ACTN2: variants seen among roughly 807,000 people sequenced by gnomAD.
ACTN2 encodes alpha-actinin-2.
ACTN2 carries 39 observed loss-of-function variants against 113.8 expected under a neutral mutation model. The ratio of observed to expected loss-of-function variants is 0.34; its 90% CI spans 0.27 to 0.45. ACTN2 has a LOEUF of 0.45. ACTN2 is among the 20% of genes least tolerant of loss of function. The pLI is 1.00. For synonymous variants in ACTN2, 429 were observed against 444.1 expected (o/e 0.97, Z 0.43); for missense variants, 992 against 1,177.9 (o/e 0.84, Z 2.31).
At chr1:236,709,515 C>T (rs566959005) in intron 1 of ACTN2, among the ~76,000 whole-genome samples, 49 of 151,560 alleles carry the variant, frequency 3.2e-4, no homozygotes, top group African/African-American at 1.0e-3. Flanking sequence ...TGCCCCATCT[C>T]GGGGACCACT....
At chr1:236,707,348 T>G (rs1245714767) in intron 1 of ACTN2, among the ~76,000 whole-genome samples, 1 of 152,250 alleles carries the variant, frequency 6.6e-6, no homozygotes, top group African/African-American at 2.4e-5. Context: ...TGCAGCAATA[T>G]TCCATGAATT....
intron 4 of ACTN2, among the ~76,000 whole-genome samples, chr1:236,721,022 G>GTTTTTTTTTTTTTTTTTTTTTTTTTT (rs869077774): frequency 1.5e-5 from 1 of 66,504 alleles, no homozygotes; most frequent in African/African-American, 6.2e-5. Flanking sequence ...TTTGTTTTTT[G>GTTTTTTTTTTTTTTTTTTTTTTTTTT]TTTTTTTTTT....
Position 236,727,722 on chromosome 1 carries a change from G to A in ACTN2, c.581G>A (p.Arg194Gln), listed in dbSNP as rs528123945. 17 of 1,613,960 alleles carry A rather than the reference G, an allele frequency of 1.1e-5. No individual in the cohort carries two copies. The highest frequency in any genetic ancestry group is 3.3e-4 in the Middle Eastern group (2 of 6,084). The change falls in exon 6 of 21, where the codon CGG becomes CAG. Residue 194 changes from arginine to glutamine, a missense_variant. Around this residue, in one of 3 missense-constraint regions of ACTN2, gnomAD observed 220 missense variants for 337.5 expected, o/e 0.65. Coordinates refer to ENST00000366578, the MANE Select transcript of ACTN2 (RefSeq NM_001103.4). ...LGLCALIHRH[R>Q]PDLIDYSKLN... ...CTCTGTGCCCTCATCCACCGACACC[G>A]GCCTGACCTCATTGACTACTCAAAG...
chr1:236,753,101 G>T (rs978853924), intron 15 of ACTN2, among the ~76,000 whole-genome samples: 1 of 152,208 alleles, frequency 6.6e-6, no homozygotes, highest in African/African-American at 2.4e-5. Context: ...ATACTCTTCT[G>T]TGGGCCAACA....
chr1:236,729,813 T>C (rs1658663743), intron 6 of ACTN2, among the ~76,000 whole-genome samples: 1 of 152,236 alleles, frequency 6.6e-6, no homozygotes, highest in Non-Finnish European at 1.5e-5. Context: ...AATGAGGGGA[T>C]TGTACTGCAT....
intron 9 of ACTN2, among the ~76,000 whole-genome samples, 194 bp downstream of exon 9, chr1:236,737,408 A>G (rs1392082484): frequency 6.7e-6 from 1 of 149,076 alleles, no homozygotes; most frequent in African/African-American, 2.4e-5. Context: ...ACTTTTGGCA[A>G]AAACATAATC....
chr1:236,753,996 C>G lies in ACTN2; in HGVS notation c.1889C>G (p.Ala630Gly). ...IRDQSLQEEL[A>G]RQHANERLRR... ...GATCAATCCCTGCAGGAGGAGCTGG[C>G]TCGCCAGCATGCTAACGAGCGTCTG... is the stretch of plus-strand genomic sequence containing the variant. Residue 630 changes from alanine (A) to glycine (G), a missense_variant, in exon 16 of 21, where the codon GCT becomes GGT. Ala to Gly is a moderately conservative substitution (Grantham distance 60). Transcript: ENST00000366578. The G allele has an allele frequency of 6.2e-7, 1 of 1,614,208 alleles. No individual in the cohort carries two copies.
intron 10 of ACTN2, among the ~76,000 whole-genome samples, chr1:236,741,338 G>A (rs1260219119): frequency 1.3e-5 from 2 of 152,146 alleles, no homozygotes; most frequent in Non-Finnish European, 2.9e-5. Flanking sequence ...GCATGCCTGG[G>A]CGGGCCCATG....
intron 10 of ACTN2, 90 bp from the exon 11 acceptor site, chr1:236,742,806 T>C: frequency 6.7e-7 from 1 of 1,493,298 alleles, no homozygotes; most frequent in South Asian, 1.1e-5. Flanking sequence ...CAAAATGTAG[T>C]GGAGGGATTT....
intron 6 of ACTN2, among the ~76,000 whole-genome samples, chr1:236,728,726 T>G (rs2564763): frequency 0.32 from 48,949 of 151,830 alleles, 8,191 homozygotes; most frequent in Middle Eastern, 0.44. Context: ...ATTCAAATTC[T>G]TTCTTTAAAA....
intron 1 of ACTN2, among the ~76,000 whole-genome samples, chr1:236,696,280 T>A (rs1465618424): frequency 6.7e-6 from 1 of 148,702 alleles, no homozygotes; most frequent in Non-Finnish European, 1.5e-5. Flanking sequence ...ATCGTGTCAC[T>A]GCACTCCAGC....
intron 7 of ACTN2, among the ~76,000 whole-genome samples, chr1:236,734,737 T>C (rs1658815351): frequency 6.6e-6 from 1 of 152,234 alleles, no homozygotes; most frequent in South Asian, 2.1e-4. Context: ...GAAGATTCTA[T>C]AGTTACACAA....
At chr1:236,762,263 G>T (rs1659728732) in intron 20 of ACTN2, among the ~76,000 whole-genome samples, 198 bp from the exon 21 acceptor site, 1 of 151,982 alleles carries the variant, frequency 6.6e-6, no homozygotes, top group Non-Finnish European at 1.5e-5. Context: ...CTTCCTGCTG[G>T]CCAGGCCGCT....
At chr1:236,701,664 A>G (rs1657681294) in intron 1 of ACTN2, among the ~76,000 whole-genome samples, 1 of 152,220 alleles carries the variant, frequency 6.6e-6, no homozygotes, top group Admixed American at 6.5e-5. Context: ...AATGACACTT[A>G]TTTTACACAT....
intron 7 of ACTN2, 117 bp downstream of exon 7, chr1:236,731,431 TTC>T: frequency 1.3e-6 from 1 of 773,972 alleles, no homozygotes; most frequent in Non-Finnish European, 2.2e-6. Context: ...GTACTTTGGA[TTC>T]CTAACAAATT....
chr1:236,699,842 C>G (rs1657622751), intron 1 of ACTN2, among the ~76,000 whole-genome samples: 1 of 152,098 alleles, frequency 6.6e-6, no homozygotes, highest in Non-Finnish European at 1.5e-5. Context: ...AAGGAAAAAC[C>G]AAGCTTCATG....
intron 4 of ACTN2, among the ~76,000 whole-genome samples, chr1:236,722,494 G>A (rs1658425547): frequency 6.6e-6 from 1 of 152,006 alleles, no homozygotes; most frequent in African/African-American, 2.4e-5. Context: ...AATTAGCCAG[G>A]TGTGGTGGCA....
intron 3 of ACTN2, 47 bp from the exon 4 acceptor site, chr1:236,720,058 A>G (rs1409835789): frequency 1.5e-6 from 2 of 1,344,920 alleles, no homozygotes; most frequent in East Asian, 2.3e-5. Context: ...AAAGTTACGT[A>G]CAGACTATGT....
intron 10 of ACTN2, among the ~76,000 whole-genome samples, chr1:236,741,346 A>G (rs797014776): frequency 1.4e-4 from 22 of 152,320 alleles, no homozygotes; most frequent in African/African-American, 4.8e-4. Flanking sequence ...GGGCGGGCCC[A>G]TGGTTTTAAT....
Sources: allele counts gnomAD v4.1 joint callset (sites outside exome capture counted in the v4.1 genomes callset), GRCh38; gene constraint gnomAD v4.1.1; regional missense constraint gnomAD v4.1.1; transcripts MANE v1.5; gene names NCBI Gene and HGNC (gene_info 2026-07-23, HGNC 2026-07-21).